Variants in NEGR1 observed in about 807,000 individuals in gnomAD.
NEGR1 encodes the protein IgLON family member 4.
NEGR1 carries 10 observed loss-of-function variants against 40.9 expected under a neutral mutation model. The observed-to-expected ratio is 0.24, with a 90% CI of 0.15 to 0.42. The LOEUF (loss-of-function observed/expected upper bound fraction) is 0.42. NEGR1 is among the 10% of genes least tolerant of loss of function. NEGR1 has a pLI of 1.00. For missense variants in NEGR1, 352 were observed against 438.9 expected (o/e 0.80, Z 1.77); for synonymous variants, 185 against 166.8 (o/e 1.11, Z -0.84).
At chr1:71,485,005 G>A (rs990677682) in intron 6 of NEGR1, among the ~76,000 whole-genome samples, 1 of 151,582 alleles carries the variant, frequency 6.6e-6, no homozygotes, top group African/African-American at 2.4e-5. Context: ...ATAATTTGAG[G>A]TTTTTTTGGC....
chr1:72,156,234 T>C (rs778642288), intron 1 of NEGR1, among the ~76,000 whole-genome samples: 5 of 152,170 alleles, frequency 3.3e-5, no homozygotes, highest in African/African-American at 4.8e-5. Context: ...TTATGTACTA[T>C]TATGAATAAT....
intron 2 of NEGR1, among the ~76,000 whole-genome samples, chr1:71,820,986 GTAT>G (rs1419889667): frequency 6.6e-6 from 1 of 152,000 alleles, no homozygotes; most frequent in African/African-American, 2.4e-5. Flanking sequence ...GCCAGATGTA[GTAT>G]ATTGCTAGAG....
rs141086675 is a variant in NEGR1 at position 71,822,816 on chromosome 1, G to A, written c.410-46519C>T. 3.3e-3 allele frequency among the ~76,000 whole-genome samples: 497 copies of A among 152,068 alleles called. 2 individuals are homozygous for A. The highest frequency in any genetic ancestry group is 5.1e-3 in the Non-Finnish European group (345 of 67,936). ...CATTCACAAGGGCTCCTCTTTTACA[G>A]CCAAAGAGGTACATGAATGGACTTA... On this transcript the variant is annotated intron_variant, in intron 2 of 6. Coordinates refer to ENST00000357731, the MANE Select transcript of NEGR1 (RefSeq NM_173808.3).
intron 1 of NEGR1, among the ~76,000 whole-genome samples, chr1:72,206,947 GAGAAGACAA>G (rs1479525677): frequency 1.3e-5 from 2 of 151,536 alleles, no homozygotes; most frequent in African/African-American, 4.8e-5. Flanking sequence ...AAGACTAACA[GAGAAGACAA>G]ATTTACATAA....
intron 1 of NEGR1, among the ~76,000 whole-genome samples, chr1:72,134,213 CTT>C (rs538728682): frequency 1.5e-5 from 2 of 136,062 alleles, no homozygotes; most frequent in Non-Finnish European, 1.6e-5. Context: ...TTTTTTTTTT[CTT>C]TTTTTTTTTT....
intron 1 of NEGR1, among the ~76,000 whole-genome samples, chr1:72,122,477 G>C (rs1649840285): frequency 6.6e-6 from 1 of 152,022 alleles, no homozygotes; most frequent in East Asian, 1.9e-4. Context: ...ACATAAACTT[G>C]TGACCCTGGG....
chr1:72,242,756 G>A (rs956614033), intron 1 of NEGR1, among the ~76,000 whole-genome samples: 15 of 151,442 alleles, frequency 9.9e-5, no homozygotes, highest in Admixed American at 4.6e-4. Context: ...ATTTTCATTT[G>A]TCTGATGAGT....
intron 1 of NEGR1, among the ~76,000 whole-genome samples, chr1:72,202,649 G>C (rs1319921572): frequency 6.6e-6 from 1 of 151,970 alleles, no homozygotes; most frequent in Non-Finnish European, 1.5e-5. Flanking sequence ...CAGAGCAAGG[G>C]CTTATCTCTT....
chr1:72,120,044 C>T (rs752492881), intron 1 of NEGR1, among the ~76,000 whole-genome samples: 2 of 151,830 alleles, frequency 1.3e-5, no homozygotes, highest in Non-Finnish European at 1.5e-5. Context: ...AAGGTCAGAA[C>T]CTTTTGGGTT....
chr1:71,952,060 A>G lies in NEGR1; in HGVS notation c.177-16749T>C, dbSNP rs144239654. Among the ~76,000 whole-genome samples the G allele has an allele frequency of 5.7e-3, 861 of 151,836 alleles. 5 individuals are homozygous for G. Among genetic ancestry groups the G allele is most frequent in the Non-Finnish European group, 7.6e-3 (516 of 67,842 alleles). Reference sequence around the variant, plus strand: ...CCTTTCTATTCCCCAAGATACAACAATTTTGCAATCAGACCAATTAAAAAC... The same window carrying G: ...CCTTTCTATTCCCCAAGATACAACAGTTTTGCAATCAGACCAATTAAAAAC... On this transcript the variant is annotated intron_variant, in intron 1 of 6. Transcript: ENST00000357731.
At chr1:71,686,312 G>A (rs1641579012) in intron 4 of NEGR1, among the ~76,000 whole-genome samples, 1 of 152,078 alleles carries the variant, frequency 6.6e-6, no homozygotes, top group Non-Finnish European at 1.5e-5. Context: ...AAAAAGTTTG[G>A]TTCCCACTCA....
At chr1:71,861,110 G>T (rs1659932493) in intron 2 of NEGR1, among the ~76,000 whole-genome samples, 1 of 151,998 alleles carries the variant, frequency 6.6e-6, no homozygotes, top group Non-Finnish European at 1.5e-5. Context: ...TGTATATTGA[G>T]AATAGTGTTT....
chr1:71,974,425 T>C (rs904642696), intron 1 of NEGR1, among the ~76,000 whole-genome samples: 18 of 152,334 alleles, frequency 1.2e-4, no homozygotes, highest in Middle Eastern at 3.4e-3. Flanking sequence ...TTATTAAATT[T>C]GTTTTTTCTT....
intron 2 of NEGR1, among the ~76,000 whole-genome samples, chr1:71,806,777 G>T (rs553438108): frequency 6.6e-6 from 1 of 152,036 alleles, no homozygotes; most frequent in South Asian, 2.1e-4. Flanking sequence ...GTCAGATAAG[G>T]CCTCAGACTT....
At chr1:71,677,156 A>G (rs944580048) in intron 4 of NEGR1, among the ~76,000 whole-genome samples, 13 of 152,288 alleles carry the variant, frequency 8.5e-5, no homozygotes, top group African/African-American at 3.1e-4. Flanking sequence ...GGCCTTCTAT[A>G]ATGATGGTCA....
At chr1:71,554,625 T>C (rs1248464620) in intron 6 of NEGR1, among the ~76,000 whole-genome samples, 1 of 151,558 alleles carries the variant, frequency 6.6e-6, no homozygotes, top group Non-Finnish European at 1.5e-5. Flanking sequence ...AATATTAAGT[T>C]TCTATTCCTG....
At chr1:72,069,930 G>T (rs1380023792) in intron 1 of NEGR1, among the ~76,000 whole-genome samples, 2 of 152,002 alleles carry the variant, frequency 1.3e-5, no homozygotes, top group East Asian at 3.9e-4. Context: ...ATAATTTCAA[G>T]TATATCTATC....
intron 6 of NEGR1, among the ~76,000 whole-genome samples, chr1:71,411,382 C>T (rs1052163811): frequency 6.6e-6 from 1 of 152,024 alleles, no homozygotes; most frequent in African/African-American, 2.4e-5. Flanking sequence ...ATACTCTTGC[C>T]ACAAAAGACA....
chr1:71,721,395 A>C (rs1402891595), intron 3 of NEGR1, among the ~76,000 whole-genome samples: 1 of 152,166 alleles, frequency 6.6e-6, no homozygotes, highest in Non-Finnish European at 1.5e-5. Flanking sequence ...GAATGACAAA[A>C]CATTCTGTGT....
Sources: gnomAD v4.1 joint callset for allele counts (sites outside exome capture counted in the v4.1 genomes callset) on GRCh38, gnomAD v4.1.1 for gene constraint, MANE v1.5 for transcripts, NCBI Gene and HGNC (gene_info 2026-07-23, HGNC 2026-07-21) for gene names.